The following EXT2 variants were observed in gnomAD, a reference collection of about 807,000 sequenced individuals.
EXT2 encodes exostosin-2.
Under a neutral mutation model 81.6 loss-of-function variants are expected in EXT2, and 53 were observed. The observed-to-expected ratio is 0.65, with a 90% CI of 0.52 to 0.82. EXT2 has a LOEUF of 0.82. EXT2 is among the 40% of genes least tolerant of loss of function. EXT2 has a pLI of 0.00. For synonymous variants in EXT2, 320 were observed against 340.0 expected, an observed-to-expected ratio of 0.94 and a Z score of 0.65; for missense variants, 774 against 910.2, an observed-to-expected ratio of 0.85 and a Z score of 1.93.
rs187770942 is a variant in EXT2, at chr11:44,125,056, G to A, written c.939+72G>A. 156 of 1,478,654 alleles carry A rather than the reference G, an allele frequency of 1.1e-4. 1 individual carries two copies. The Admixed American group carries it at 1.5e-3, about 14-fold the overall frequency. 91.6% of individuals were successfully genotyped at this position (1,478,654 alleles called of 1,614,324 possible). A position where few individuals can be genotyped will look rare whatever the true frequency, so the allele number is the denominator to read the frequency against. On this transcript the variant is annotated intron_variant, in intron 5 of 13. Coordinates refer to ENST00000533608, the MANE Select transcript of EXT2 (RefSeq NM_207122.2). ...TACATGGGTTAAAATTGAGCCCAGCGAACCTGAGTTGTTTTCAGCATGCAA... is the reference window on the plus strand; with the variant it reads ...TACATGGGTTAAAATTGAGCCCAGCAAACCTGAGTTGTTTTCAGCATGCAA...
At chr11:44,207,872 C>T (rs1955602297) in intron 10 of EXT2, among the ~76,000 whole-genome samples, 1 of 152,102 alleles carries the variant, frequency 6.6e-6, no homozygotes. Context: ...CCCCCCGACA[C>T]TATCGCCACC....
At chr11:44,224,271 A>T (rs1955815076) in intron 10 of EXT2, among the ~76,000 whole-genome samples, 1 of 152,142 alleles carries the variant, frequency 6.6e-6, no homozygotes, top group Admixed American at 6.5e-5. Flanking sequence ...CTTTAGCTTG[A>T]TGTTGGATTG....
chr11:44,230,495 G>T (rs1328421011), intron 10 of EXT2, among the ~76,000 whole-genome samples: 1 of 152,144 alleles, frequency 6.6e-6, no homozygotes, highest in Non-Finnish European at 1.5e-5. Flanking sequence ...TATTTTCAGA[G>T]GTTAATCAAG....
At chr11:44,171,296 A>G (rs1373452888) in intron 7 of EXT2, among the ~76,000 whole-genome samples, 2 of 152,240 alleles carry the variant, frequency 1.3e-5, no homozygotes, top group Non-Finnish European at 2.9e-5. Context: ...TGTGCACTTT[A>G]TGTTATATAA....
chr11:44,118,964 T>C (rs1954262279), intron 4 of EXT2, among the ~76,000 whole-genome samples: 1 of 151,378 alleles, frequency 6.6e-6, no homozygotes. Context: ...TTTTTCCTCC[T>C]AAAGTTGTTC....
intron 6 of EXT2, among the ~76,000 whole-genome samples, chr11:44,129,255 G>A (rs918349831): frequency 6.6e-6 from 1 of 152,182 alleles, no homozygotes; most frequent in Non-Finnish European, 1.5e-5. Flanking sequence ...TTGGAACATG[G>A]TTAGGTTATA....
intron 10 of EXT2, among the ~76,000 whole-genome samples, chr11:44,209,211 G>C (rs1173896016): frequency 6.6e-6 from 1 of 152,162 alleles, no homozygotes; most frequent in African/African-American, 2.4e-5. Flanking sequence ...TGGGTTCAGA[G>C]CACTCTGTAC....
intron 1 of EXT2, chr11:44,096,433 A>C (rs1590533294): frequency 1.8e-6 from 2 of 1,121,734 alleles, no homozygotes. Flanking sequence ...TAGGCCGGGG[A>C]CTGGGTGGCC....
chr11:44,207,086 C>G (rs887417833), intron 10 of EXT2, 127 bp downstream of exon 10: 1 of 1,075,206 alleles, frequency 9.3e-7, no homozygotes, highest in Non-Finnish European at 1.4e-6. Flanking sequence ...CCAGTAGAGT[C>G]CAAAAGGTGT....
intron 4 of EXT2, among the ~76,000 whole-genome samples, chr11:44,118,282 CT>C (rs556499638): frequency 6.8e-5 from 10 of 148,072 alleles, no homozygotes; most frequent in South Asian, 2.1e-4. Context: ...TGAAAATGTA[CT>C]TTTTTTTTTA....
intron 7 of EXT2, among the ~76,000 whole-genome samples, chr11:44,168,024 A>G (rs10838241): frequency 0.29 from 39,991 of 138,654 alleles, 6,183 homozygotes; most frequent in Admixed American, 0.47. Flanking sequence ...TCCTTAGTCC[A>G]AGTGTTCTCG....
At chr11:44,192,667 A>G (rs1479205661) in intron 8 of EXT2, among the ~76,000 whole-genome samples, 5 of 152,124 alleles carry the variant, frequency 3.3e-5, no homozygotes. Context: ...TCGTTTAATC[A>G]TCATTGCCCT....
rs188037437 is a variant in EXT2 at position 44,246,502 on chromosome 11, A to G, written c.*2215A>G. On this transcript the variant is annotated 3_prime_UTR_variant, in exon 14 of 14. Coordinates refer to ENST00000533608, the MANE Select transcript of EXT2 (RefSeq NM_207122.2). ...TTATCATCGTCATAGGAGTCATTGG[A>G]CTTTAAAGGCATTACAACTCCATTT... Among the ~76,000 whole-genome samples the G allele has an allele frequency of 2.6e-5, 4 of 152,254 alleles. No individual in the cohort carries two copies. The East Asian group carries it at 7.7e-4, about 29-fold the overall frequency.
chr11:44,099,272 G>T (rs1302114684), intron 1 of EXT2, among the ~76,000 whole-genome samples: 15 of 152,028 alleles, frequency 9.9e-5, no homozygotes. Flanking sequence ...TGCAAGCTCC[G>T]CCTCCCAGGT....
intron 10 of EXT2, among the ~76,000 whole-genome samples, chr11:44,217,265 A>G (rs1210159053): frequency 6.6e-6 from 1 of 152,170 alleles, no homozygotes; most frequent in Non-Finnish European, 1.5e-5. Context: ...CTTGGGAATG[A>G]AAGGCTAGAC....
At chr11:44,116,752 A>G (rs568102170) in intron 4 of EXT2, 12 of 152,274 alleles carry the variant, frequency 7.9e-5, no homozygotes, top group African/African-American at 2.4e-4. Flanking sequence ...GCATTTCCCC[A>G]CTGACTAATA....
chr11:44,229,719 T>C (rs1955877031), intron 10 of EXT2, among the ~76,000 whole-genome samples: 1 of 152,248 alleles, frequency 6.6e-6, no homozygotes, highest in African/African-American at 2.4e-5. Flanking sequence ...TCATGGTAAC[T>C]GCTGGTCAGT....
At chr11:44,155,681 T>C (rs1050310486) in intron 7 of EXT2, among the ~76,000 whole-genome samples, 9 of 152,204 alleles carry the variant, frequency 5.9e-5, no homozygotes, top group Non-Finnish European at 1.2e-4. Context: ...ATTTATATTT[T>C]ATGATACTGC....
chr11:44,238,507 A>G (rs951999972), intron 13 of EXT2, among the ~76,000 whole-genome samples: 1 of 152,130 alleles, frequency 6.6e-6, no homozygotes, highest in Non-Finnish European at 1.5e-5. Context: ...TTAGGAGGAG[A>G]TGCTGATGGA....
Sources: allele counts gnomAD v4.1 joint callset (sites outside exome capture counted in the v4.1 genomes callset), GRCh38; gene constraint gnomAD v4.1.1; transcripts MANE v1.5; gene names NCBI Gene and HGNC (gene_info 2026-07-23, HGNC 2026-07-21).